The following MLLT3 variants were observed in gnomAD, a reference collection of about 807,000 sequenced individuals.
MLLT3 encodes protein AF-9.
A neutral mutation model predicts 53.2 loss-of-function variants in MLLT3; 4 were observed. That is an observed-to-expected ratio of 0.08 (90% CI 0.04 to 0.17). The LOEUF (loss-of-function observed/expected upper bound fraction) is 0.17. MLLT3 is among the 10% of genes least tolerant of loss of function. The probability of loss-of-function intolerance (pLI) is 1.00; values close to 1 mark genes in which losing one functional copy is unlikely to be tolerated. For missense variants in MLLT3, 569 were observed against 684.0 expected, an observed-to-expected ratio of 0.83 and a Z score of 1.87; for synonymous variants, 283 against 230.6, an observed-to-expected ratio of 1.23 and a Z score of -2.06.
chr9:20,347,929 A>G (rs1423593743), intron 10 of MLLT3, among the ~76,000 whole-genome samples: 1 of 152,208 alleles, frequency 6.6e-6, no homozygotes, highest in Non-Finnish European at 1.5e-5. Flanking sequence ...TCTTCTTACA[A>G]TTAGCTTTCT....
intron 2 of MLLT3, among the ~76,000 whole-genome samples, chr9:20,618,561 C>G (rs1820897315): frequency 6.6e-6 from 1 of 152,152 alleles, no homozygotes; most frequent in South Asian, 2.1e-4. Flanking sequence ...CATTTTAAAA[C>G]AATGGCTTAT....
At chr9:20,396,919 C>T (rs779457814) in intron 5 of MLLT3, among the ~76,000 whole-genome samples, 7 of 151,818 alleles carry the variant, frequency 4.6e-5, no homozygotes, top group Non-Finnish European at 8.8e-5. Flanking sequence ...GGAGATCTGT[C>T]AGGTGAAAGA....
chr9:20,515,136 T>C (rs1391859627), intron 2 of MLLT3, among the ~76,000 whole-genome samples: 1 of 151,790 alleles, frequency 6.6e-6, no homozygotes, highest in African/African-American at 2.4e-5. Flanking sequence ...CTAGCAGAGA[T>C]GGGGTTTCAC....
chr9:20,496,358 TC>T (rs1001044953), intron 2 of MLLT3, among the ~76,000 whole-genome samples: 1 of 152,134 alleles, frequency 6.6e-6, no homozygotes, highest in Non-Finnish European at 1.5e-5. Flanking sequence ...GGATGCAGTC[TC>T]CCCATTGTTT....
In MLLT3 at chr9:20,520,209, G is replaced by A. The variant is rs1469713059; in HGVS notation, c.194-63423C>T. 2.6e-5 allele frequency among the ~76,000 whole-genome samples: 4 copies of A among 152,242 alleles called. No individual in the cohort carries two copies. The East Asian group carries it at 7.7e-4, about 29-fold the overall frequency. ...ACTGGGGCCTGTTGGAGGGTGGAGA[G>A]TGAAAGGAGGGAGAGGATCAGAAAA... On this transcript the variant is annotated intron_variant, in intron 2 of 10. Coordinates refer to ENST00000380338, the MANE Select transcript of MLLT3 (RefSeq NM_004529.4).
At chr9:20,351,327 G>C (rs1254856460) in intron 10 of MLLT3, among the ~76,000 whole-genome samples, 4 of 152,164 alleles carry the variant, frequency 2.6e-5, no homozygotes, top group Non-Finnish European at 5.9e-5. Flanking sequence ...CCCCAGACGT[G>C]GATGCAAATC....
At chr9:20,410,176 T>C (rs1822689901) in intron 5 of MLLT3, among the ~76,000 whole-genome samples, 1 of 152,172 alleles carries the variant, frequency 6.6e-6, no homozygotes, top group African/African-American at 2.4e-5. Flanking sequence ...CAAAGTGGCT[T>C]AGAGTACCAA....
At chr9:20,511,281 A>G (rs926432321) in intron 2 of MLLT3, among the ~76,000 whole-genome samples, 1 of 152,196 alleles carries the variant, frequency 6.6e-6, no homozygotes, top group Non-Finnish European at 1.5e-5. Flanking sequence ...CAAGAAAAAA[A>G]TAAATAATTA....
intron 5 of MLLT3, among the ~76,000 whole-genome samples, chr9:20,379,041 A>G (rs1310699515): frequency 2.6e-5 from 4 of 152,094 alleles, no homozygotes; most frequent in Non-Finnish European, 5.9e-5. Context: ...TTCTTCATAA[A>G]TCAATCTATT....
At chr9:20,505,704 T>A (rs1205253991) in intron 2 of MLLT3, among the ~76,000 whole-genome samples, 1 of 152,216 alleles carries the variant, frequency 6.6e-6, no homozygotes. Flanking sequence ...ATTTGTCCTG[T>A]TACAAAGAAG....
intron 2 of MLLT3, among the ~76,000 whole-genome samples, chr9:20,464,318 A>G (rs1824183262): frequency 6.6e-6 from 1 of 152,180 alleles, no homozygotes; most frequent in African/African-American, 2.4e-5. Flanking sequence ...TACAAAGATA[A>G]GACGAGTCCT....
intron 2 of MLLT3, among the ~76,000 whole-genome samples, chr9:20,619,073 A>G (rs1162100500): frequency 6.6e-6 from 1 of 152,192 alleles, no homozygotes; most frequent in Non-Finnish European, 1.5e-5. Flanking sequence ...ATGGAAAGGG[A>G]GAGAGAGAAT....
At chr9:20,385,993 A>C (rs374129451) in intron 5 of MLLT3, among the ~76,000 whole-genome samples, 1 of 152,092 alleles carries the variant, frequency 6.6e-6, no homozygotes, top group East Asian at 1.9e-4. Flanking sequence ...GAAGAGGACA[A>C]TCACTCCACT....
At chr9:20,380,850 G>C (rs1447550462) in intron 5 of MLLT3, among the ~76,000 whole-genome samples, 1 of 151,936 alleles carries the variant, frequency 6.6e-6, no homozygotes, top group East Asian at 1.9e-4. Flanking sequence ...AATTAGACTG[G>C]AAAGTGCTGT....
At chr9:20,555,623 T>C (rs944102057) in intron 2 of MLLT3, among the ~76,000 whole-genome samples, 1 of 152,166 alleles carries the variant, frequency 6.6e-6, no homozygotes, top group Admixed American at 6.5e-5. Flanking sequence ...TAAAATAATA[T>C]GCCTGAGAAT....
chr9:20,363,178 A>G (rs1397826334), intron 7 of MLLT3: 2 of 269,648 alleles, frequency 7.4e-6, no homozygotes, highest in Non-Finnish European at 6.9e-6. Flanking sequence ...TCTTCAAATG[A>G]AAACAGACTT....
intron 4 of MLLT3, among the ~76,000 whole-genome samples, chr9:20,431,652 C>G (rs974989851): frequency 8.6e-5 from 13 of 151,876 alleles, no homozygotes; most frequent in Admixed American, 7.9e-4. Context: ...AATCTAATGC[C>G]CTACAGAAAC....
rs1180233760 is a variant in MLLT3 at position 20,344,226 on chromosome 9, T to G, written c.*2217A>C. ...TGGTTAGTAACTTAAAGGAAAAAAT[T>G]TTTACATTGGCAAATCATATTTTTT... On this transcript the variant is annotated 3_prime_UTR_variant, in exon 11 of 11. Transcript: ENST00000380338. 5.1e-6 allele frequency: 1 copy of G among 196,838 alleles called. No individual in the cohort carries two copies. The highest frequency in any genetic ancestry group is 1.1e-5 in the Non-Finnish European group (1 of 95,072). The allele number at this position is 196,838 out of a possible 1,614,324, so 12.2% of individuals were successfully genotyped here.
intron 2 of MLLT3, among the ~76,000 whole-genome samples, chr9:20,518,891 A>G (rs780207873): frequency 6.6e-6 from 1 of 152,216 alleles, no homozygotes; most frequent in Non-Finnish European, 1.5e-5. Context: ...GAGACTAAAG[A>G]AACATGACAA....
Sources: allele counts gnomAD v4.1 joint callset (sites outside exome capture counted in the v4.1 genomes callset), GRCh38; gene constraint gnomAD v4.1.1; transcripts MANE v1.5; gene names NCBI Gene and HGNC (gene_info 2026-07-23, HGNC 2026-07-21).